The following LMO7 variants were observed in gnomAD, a reference collection of about 807,000 sequenced individuals.
LMO7 encodes LIM domain 7.
A neutral mutation model predicts 206.5 loss-of-function variants in LMO7; 120 were observed. That is an observed-to-expected ratio of 0.58 (90% CI 0.50 to 0.68). The LOEUF is 0.68. Among genes scored for constraint, LMO7 ranks in the 30% least tolerant of loss-of-function variants. The pLI is 0.00. For missense variants in LMO7, 1,959 were observed against 1,957.9 expected (o/e 1.00, Z -0.01); for synonymous variants, 706 against 681.5 (o/e 1.04, Z -0.56).
At chr13:75,776,174 T>TATATATATATATATCGG (rs1555317308) in intron 4 of LMO7, among the ~76,000 whole-genome samples, 5 of 59,898 alleles carry the variant, frequency 8.3e-5, no homozygotes, top group African/African-American at 4.3e-4. Flanking sequence ...TATATATATA[T>TATATATATATATATCGG]ATATATATAT....
intron 3 of LMO7, among the ~76,000 whole-genome samples, chr13:75,759,824 C>T (rs1310554634): frequency 3.3e-5 from 5 of 152,120 alleles, no homozygotes; most frequent in African/African-American, 1.2e-4. Flanking sequence ...GAGTAATTGC[C>T]TTTCTCCAAG....
At position 75,836,358 on chromosome 13, in the gene LMO7, A is replaced by G. The variant is rs779123262; in HGVS notation, c.3334-39A>G. 8.7e-6 allele frequency: 10 copies of G among 1,150,580 alleles called. 1 individual carries two copies. The South Asian group carries it at 1.4e-4, about 16-fold the overall frequency. The allele number at this position is 1,150,580 out of a possible 1,614,324, so 71.3% of individuals were successfully genotyped here. On this transcript the variant is annotated intron_variant, in intron 18 of 30. Transcript: ENST00000377534. ...ATGCATTATTTAAGGCCAAAGTCCA[A>G]CTGGAGAGAATATTAACTAGCATTT...
intron 1 of LMO7, among the ~76,000 whole-genome samples, chr13:75,678,714 T>A (rs117076874): frequency 0.02 from 3,018 of 152,330 alleles, 52 homozygotes; most frequent in Middle Eastern, 0.054. Flanking sequence ...CTAGTCTAGG[T>A]TCCAAATGGA....
intron 3 of LMO7, among the ~76,000 whole-genome samples, chr13:75,734,983 A>G (rs1311472764): frequency 6.6e-6 from 1 of 152,038 alleles, no homozygotes; most frequent in Non-Finnish European, 1.5e-5. Context: ...CTGTAGTCCC[A>G]GTTGCTGGGG....
intron 20 of LMO7, among the ~76,000 whole-genome samples, chr13:75,839,335 A>G (rs1232026233): frequency 6.6e-6 from 1 of 152,188 alleles, no homozygotes; most frequent in Non-Finnish European, 1.5e-5. Context: ...TCTAGGTCTC[A>G]AAGCAATTTT....
In LMO7 at chr13:75,776,126, CATAT is replaced by C. The variant is rs71127581; in HGVS notation, c.317+15103_317+15106del. On this transcript the variant is annotated intron_variant, in intron 4 of 30. Transcript: ENST00000377534. ...ATATATATATATACATACATACATACATATATATATATATATATGCCATGTATAT... is the reference window on the plus strand; with the variant it reads ...ATATATATATATACATACATACATACATATATATATATATGCCATGTATAT... Among the ~76,000 whole-genome samples, 49 of 73,844 alleles carry C rather than the reference CATAT, an allele frequency of 6.6e-4. No individual in the cohort carries two copies. The South Asian group carries it at 0.018, about 27-fold the overall frequency. The allele number at this position is 73,844 out of a possible 152,430, so 48.4% of individuals were successfully genotyped here. A position where few individuals can be genotyped will look rare whatever the true frequency, so the allele number is the denominator to read the frequency against.
chr13:75,697,105 A>G (rs1015760015), intron 1 of LMO7, among the ~76,000 whole-genome samples: 1 of 152,182 alleles, frequency 6.6e-6, no homozygotes, highest in African/African-American at 2.4e-5. Flanking sequence ...ATGAATGCCA[A>G]TACACATTCA....
chr13:75,811,667 A>G (rs2056414642), intron 11 of LMO7, among the ~76,000 whole-genome samples: 1 of 152,184 alleles, frequency 6.6e-6, no homozygotes, highest in East Asian at 1.9e-4. Context: ...AACACCTGTC[A>G]GTTTGTCTGT....
At chr13:75,689,805 G>T (rs2041308987) in intron 1 of LMO7, among the ~76,000 whole-genome samples, 1 of 152,180 alleles carries the variant, frequency 6.6e-6, no homozygotes, top group African/African-American at 2.4e-5. Flanking sequence ...AGATTGCACT[G>T]TCAGCTTCTC....
chr13:75,854,323 C>A (rs758958114), intron 28 of LMO7, among the ~76,000 whole-genome samples: 15 of 152,056 alleles, frequency 9.9e-5, no homozygotes, highest in Non-Finnish European at 1.9e-4. Flanking sequence ...TTTACAGGTA[C>A]TAGTATATAA....
intron 2 of LMO7, chr13:75,627,946 T>C (rs1332425027): frequency 3.0e-5 from 3 of 101,036 alleles, no homozygotes. Flanking sequence ...AGGAAACCCC[T>C]CTACTTGTTA....
chr13:75,626,212 C>T (rs993243752), intron 2 of LMO7, among the ~76,000 whole-genome samples: 13 of 151,830 alleles, frequency 8.6e-5, no homozygotes, highest in Admixed American at 5.9e-4. Context: ...TGTATTAGTC[C>T]GTTTTCACAC....
Position 75,800,845 on chromosome 13 carries a change from C to T in LMO7, c.624C>T (p.Ser208=), listed in dbSNP as rs755287300. 1.9e-5 allele frequency: 31 copies of T among 1,613,838 alleles called. No homozygotes were observed. The Admixed American group carries it at 4.7e-4, about 24-fold the overall frequency. ...CTTTGGGCTCGAGGTCATTGACAAG[C>T]TGCTCCTCTGATATCACGTTGAGAG... ...LDSLGSRSLT[S]CSSDITLRGG... Residue 208 remains serine (S), a synonymous_variant, in exon 7 of 31, where the codon AGC becomes AGT. Coordinates refer to ENST00000377534, the MANE Select transcript of LMO7 (RefSeq NM_001306080.2).
chr13:75,835,070 T>TA (rs1351335788), intron 17 of LMO7, 163 bp from the exon 18 acceptor site: 69 of 778,932 alleles, frequency 8.9e-5, no homozygotes, highest in Middle Eastern at 2.5e-4. Context: ...AGATTTTTTT[T>TA]TATATATATG....
At chr13:75,757,222 G>A (rs117913392) in intron 3 of LMO7, among the ~76,000 whole-genome samples, 58 of 152,202 alleles carry the variant, frequency 3.8e-4, no homozygotes, top group African/African-American at 1.1e-3. Flanking sequence ...TGAGTGAGCC[G>A]CCTTGGAAAC....
chr13:75,639,945 A>G (rs140173115), intron 1 of LMO7, among the ~76,000 whole-genome samples: 58 of 152,310 alleles, frequency 3.8e-4, no homozygotes, highest in African/African-American at 1.2e-3. Context: ...CAAGTCTGGC[A>G]CTAGAATATG....
intron 1 of LMO7, among the ~76,000 whole-genome samples, chr13:75,652,016 A>G (rs2037617535): frequency 6.6e-6 from 1 of 152,166 alleles, no homozygotes; most frequent in African/African-American, 2.4e-5. Flanking sequence ...GGAAGAAGAG[A>G]TTGATAATGT....
intron 2 of LMO7, among the ~76,000 whole-genome samples, chr13:75,723,003 T>G (rs1477786934): frequency 6.6e-6 from 1 of 152,112 alleles, no homozygotes; most frequent in Non-Finnish European, 1.5e-5. Flanking sequence ...ACATTGGACT[T>G]TGGGGACTCG....
At chr13:75,624,115 A>T (rs1433356168) in intron 2 of LMO7, among the ~76,000 whole-genome samples, 2 of 152,128 alleles carry the variant, frequency 1.3e-5, no homozygotes, top group Non-Finnish European at 2.9e-5. Context: ...CAGTCTCCTC[A>T]TCTATGACAG....
Sources: gnomAD v4.1 joint callset for allele counts (sites outside exome capture counted in the v4.1 genomes callset) on GRCh38, gnomAD v4.1.1 for gene constraint, MANE v1.5 for transcripts, NCBI Gene and HGNC (gene_info 2026-07-23, HGNC 2026-07-21) for gene names.